Variants in CCDC91 observed in about 807,000 individuals in gnomAD.
CCDC91 encodes the protein coiled-coil domain containing 91.
A neutral mutation model predicts 63.2 loss-of-function variants in CCDC91; 48 were observed. The ratio of observed to expected loss-of-function variants is 0.76; its 90% CI spans 0.60 to 0.97. The LOEUF is 0.97. Ranked by LOEUF, CCDC91 falls within the 50% of genes least tolerant of loss-of-function variation. The pLI is 0.00. For synonymous variants in CCDC91, 167 were observed against 165.8 expected, an observed-to-expected ratio of 1.01 and a Z score of -0.06; for missense variants, 500 against 494.6, an observed-to-expected ratio of 1.01 and a Z score of -0.10.
At chr12:28,243,670 G>A (rs1268957426) in intron 1 of CCDC91, among the ~76,000 whole-genome samples, 2 of 152,012 alleles carry the variant, frequency 1.3e-5, no homozygotes, top group Non-Finnish European at 2.9e-5. Flanking sequence ...ATAAATCAGA[G>A]ATTAAAAGGA....
At chr12:28,291,353 C>A (rs1376384700) in intron 3 of CCDC91, among the ~76,000 whole-genome samples, 2 of 152,152 alleles carry the variant, frequency 1.3e-5, no homozygotes, top group African/African-American at 4.8e-5. Context: ...ACTTTTGAAG[C>A]ATTGGTTGTG....
At chr12:28,516,789 A>G (rs1939997178) in intron 12 of CCDC91, among the ~76,000 whole-genome samples, 1 of 151,854 alleles carries the variant, frequency 6.6e-6, no homozygotes, top group Admixed American at 6.6e-5. Flanking sequence ...AACCCCCCTG[A>G]CATGTCAACC....
chr12:28,465,486 C>A (rs1039528005), intron 11 of CCDC91, among the ~76,000 whole-genome samples: 9 of 152,160 alleles, frequency 5.9e-5, no homozygotes, highest in South Asian at 2.1e-4. Flanking sequence ...AGAAAAACTT[C>A]ATTTGTTTGG....
At chr12:28,440,239 G>T (rs944216517) in intron 8 of CCDC91, among the ~76,000 whole-genome samples, 2 of 152,082 alleles carry the variant, frequency 1.3e-5, no homozygotes, top group African/African-American at 4.8e-5. Flanking sequence ...TTATAAGTAG[G>T]AATAATAGTG....
intron 1 of CCDC91, among the ~76,000 whole-genome samples, chr12:28,229,757 A>G (rs1193175530): frequency 6.6e-6 from 1 of 151,582 alleles, no homozygotes; most frequent in Non-Finnish European, 1.5e-5. Context: ...TCCTATCCCT[A>G]AGACTGATTA....
intron 1 of CCDC91, among the ~76,000 whole-genome samples, chr12:28,193,807 T>G (rs1246135967): frequency 1.3e-5 from 2 of 152,216 alleles, no homozygotes; most frequent in Non-Finnish European, 1.5e-5. Context: ...TCTAACATAT[T>G]GAGCGTCTTT....
At chr12:28,529,302 G>A (rs1413503441) in intron 12 of CCDC91, among the ~76,000 whole-genome samples, 4 of 152,156 alleles carry the variant, frequency 2.6e-5, no homozygotes, top group Admixed American at 2.6e-4. Flanking sequence ...ACAGCACACA[G>A]GTTTGACTTG....
At chr12:28,193,289 C>CA (rs1482983605) in intron 1 of CCDC91, among the ~76,000 whole-genome samples, 2 of 152,106 alleles carry the variant, frequency 1.3e-5, no homozygotes, top group African/African-American at 4.8e-5. Flanking sequence ...GGGCCGTGTG[C>CA]AAGTGCATGT....
At chr12:28,314,057 C>T (rs1158700098) in intron 6 of CCDC91, among the ~76,000 whole-genome samples, 1 of 151,968 alleles carries the variant, frequency 6.6e-6, no homozygotes, top group Non-Finnish European at 1.5e-5. Context: ...GTATTGGTAT[C>T]TATGGCTAAC....
In CCDC91 at chr12:28,549,333, A is replaced by T; in HGVS notation, c.*160A>T. On this transcript the variant is annotated 3_prime_UTR_variant, in exon 13 of 13. Coordinates refer to ENST00000536442, the MANE Select transcript of CCDC91 (RefSeq NM_018318.5). ...AAACAATATTTAGAACTATCAAGTG[A>T]TCTAATTTATTTTCTTTTGGTTTCT... 2.1e-6 allele frequency: 1 copy of T among 475,502 alleles called. No individual in the cohort carries two copies. The highest frequency in any genetic ancestry group is 3.9e-6 in the Non-Finnish European group (1 of 259,656). The allele number at this position is 475,502 out of a possible 1,614,324, so 29.5% of individuals were successfully genotyped here.
chr12:28,195,162 G>T (rs1241150232), intron 1 of CCDC91, among the ~76,000 whole-genome samples: 2 of 151,116 alleles, frequency 1.3e-5, no homozygotes, highest in Admixed American at 6.6e-5. Flanking sequence ...CCGTTTTACA[G>T]AGTGCTGATT....
At chr12:28,473,771 C>T (rs547513047) in intron 11 of CCDC91, among the ~76,000 whole-genome samples, 14 of 152,012 alleles carry the variant, frequency 9.2e-5, no homozygotes, top group Non-Finnish European at 1.9e-4. Flanking sequence ...ATTTTGCAAC[C>T]GATGCCGTCA....
chr12:28,546,563 C>T (rs1281109401), intron 12 of CCDC91, among the ~76,000 whole-genome samples: 1 of 152,002 alleles, frequency 6.6e-6, no homozygotes, highest in East Asian at 1.9e-4. Flanking sequence ...ATACAATTTC[C>T]ACAAGCTATA....
chr12:28,265,821 T>C (rs1445801718), intron 3 of CCDC91, among the ~76,000 whole-genome samples: 2 of 152,086 alleles, frequency 1.3e-5, no homozygotes, highest in Admixed American at 6.6e-5. Context: ...AGGTGACTTA[T>C]TACATAGTCA....
At chr12:28,441,085 G>GAAAAGAAAAAGA (rs60726909) in intron 8 of CCDC91, among the ~76,000 whole-genome samples, 2 of 55,498 alleles carry the variant, frequency 3.6e-5, no homozygotes, top group African/African-American at 7.9e-5. Context: ...AAAAAAAAAA[G>GAAAAGAAAAAGA]AAAAGAAAAA....
chr12:28,511,443 C>T (rs1183991517), intron 12 of CCDC91, among the ~76,000 whole-genome samples: 1 of 151,930 alleles, frequency 6.6e-6, no homozygotes, highest in Non-Finnish European at 1.5e-5. Flanking sequence ...ACCACCAATG[C>T]ATTATTTTTT....
At chr12:28,304,027 A>G (rs540270134) in intron 3 of CCDC91, among the ~76,000 whole-genome samples, 2 of 152,234 alleles carry the variant, frequency 1.3e-5, no homozygotes, top group Middle Eastern at 3.4e-3. Context: ...TTTCCGAAGT[A>G]GGGATACCAA....
intron 1 of CCDC91, among the ~76,000 whole-genome samples, chr12:28,191,704 C>T (rs1034158754): frequency 1.4e-4 from 21 of 152,132 alleles, no homozygotes; most frequent in Non-Finnish European, 2.5e-4. Flanking sequence ...TCCCTGCTGT[C>T]GGAGAGTTCT....
At chr12:28,543,768 GAAACA>G (rs1169148591) in intron 12 of CCDC91, among the ~76,000 whole-genome samples, 1 of 151,988 alleles carries the variant, frequency 6.6e-6, no homozygotes, top group African/African-American at 2.4e-5. Flanking sequence ...TATCATGTCT[GAAACA>G]AAACAGTTTT....
Sources: gnomAD v4.1 joint callset for allele counts (sites outside exome capture counted in the v4.1 genomes callset) on GRCh38, gnomAD v4.1.1 for gene constraint, MANE v1.5 for transcripts, NCBI Gene and HGNC (gene_info 2026-07-23, HGNC 2026-07-21) for gene names.